CTNND2: variants seen among roughly 807,000 people sequenced by gnomAD.
CTNND2 encodes catenin delta-2.
A neutral mutation model predicts 144.4 loss-of-function variants in CTNND2; 22 were observed. The observed-to-expected ratio is 0.15, with a 90% CI of 0.11 to 0.22. The LOEUF is 0.22. Among genes scored for constraint, CTNND2 ranks in the 10% least tolerant of loss-of-function variants. The pLI is 1.00. For synonymous variants in CTNND2, 751 were observed against 695.6 expected, an observed-to-expected ratio of 1.08 and a Z score of -1.25; for missense variants, 1,353 against 1,618.8, an observed-to-expected ratio of 0.84 and a Z score of 2.82.
At position 11,453,618 on chromosome 5, in the gene CTNND2, C is replaced by A. The variant is rs61760264; in HGVS notation, c.288-41549G>T. Among the ~76,000 whole-genome samples, 383 of 152,290 alleles carry A rather than the reference C, an allele frequency of 2.5e-3. 12 individuals are homozygous for A. The East Asian group carries it at 0.063, about 25-fold the overall frequency. On this transcript the variant is annotated intron_variant, in intron 3 of 21. Transcript: ENST00000304623. ...TCAGAAGAGATTTCTATCTGAAAGTCTCCATTTTGGTTTGGGTATATTCAA... is the reference window on the plus strand; with the variant it reads ...TCAGAAGAGATTTCTATCTGAAAGTATCCATTTTGGTTTGGGTATATTCAA...
intron 2 of CTNND2, among the ~76,000 whole-genome samples, chr5:11,642,537 T>C (rs1308160336): frequency 2.6e-5 from 4 of 152,104 alleles, no homozygotes; most frequent in Non-Finnish European, 5.9e-5. Context: ...GGCAAACTGC[T>C]GTATTCAAGG....
At chr5:11,445,586 A>G (rs1223186809) in intron 3 of CTNND2, among the ~76,000 whole-genome samples, 1 of 152,142 alleles carries the variant, frequency 6.6e-6, no homozygotes, top group Non-Finnish European at 1.5e-5. Context: ...CTCCTCACCC[A>G]TGCCTGGGAT....
intron 1 of CTNND2, among the ~76,000 whole-genome samples, chr5:11,787,501 G>C (rs752327993): frequency 2.0e-5 from 3 of 152,090 alleles, no homozygotes; most frequent in Non-Finnish European, 4.4e-5. Context: ...TGACTAATCT[G>C]CCTGCAATTG....
chr5:11,240,943 CTG>C (rs1742355634), intron 9 of CTNND2, among the ~76,000 whole-genome samples: 1 of 149,070 alleles, frequency 6.7e-6, no homozygotes, highest in Non-Finnish European at 1.5e-5. Flanking sequence ...AACACACACA[CTG>C]AGCACACACA....
At chr5:11,536,715 G>A (rs1446117457) in intron 3 of CTNND2, among the ~76,000 whole-genome samples, 3 of 151,800 alleles carry the variant, frequency 2.0e-5, no homozygotes, top group Non-Finnish European at 2.9e-5. Flanking sequence ...TGGACTTTGG[G>A]GACTCAGAAG....
In CTNND2 at chr5:10,973,583, C is replaced by G. The variant is rs1371402409; in HGVS notation, c.3548G>C (p.Ser1183Thr). The G allele has an allele frequency of 1.2e-6, 2 of 1,614,162 alleles. No individual in the cohort carries two copies. Among genetic ancestry groups the G allele is most frequent in the Non-Finnish European group, 1.7e-6 (2 of 1,180,026 alleles). Reference protein sequence around the residue: ...EDQVHHRPPASEYTMHLGLKS... With the variant: ...EDQVHHRPPATEYTMHLGLKS... ...GAGACCCAGGTGCATGGTGTACTCG[C>G]TGGCGGGAGGGCGATGGTGGACCTG... Residue 1183 changes from serine (S) to threonine (T), a missense_variant, in exon 22 of 22, where the codon AGC becomes ACC. Around this residue, in one of 4 missense-constraint regions of CTNND2, gnomAD observed 459 missense variants for 674.3 expected, o/e 0.68. Transcript: ENST00000304623. The surrounding 1 kb of genome is among the most constrained non-coding windows in gnomAD (Gnocchi z 5.6).
chr5:11,833,998 A>T (rs2126968067), intron 1 of CTNND2, among the ~76,000 whole-genome samples: 1 of 152,330 alleles, frequency 6.6e-6, no homozygotes, highest in Admixed American at 6.5e-5. Flanking sequence ...TATGACTGAG[A>T]TCAAAAGGCC....
At chr5:11,578,661 A>C (rs1012845123) in intron 2 of CTNND2, among the ~76,000 whole-genome samples, 5 of 126,562 alleles carry the variant, frequency 4.0e-5, no homozygotes, top group Non-Finnish European at 6.7e-5. Context: ...ACTCCATCAC[A>C]AATACATGAA....
rs187157793 is a variant in CTNND2, at chr5:11,288,666, A to C, written c.1629-51843T>G. On this transcript the variant is annotated intron_variant, in intron 9 of 21. Coordinates refer to ENST00000304623, the MANE Select transcript of CTNND2 (RefSeq NM_001332.4). ...TGGATTCTCATTATGGAAATGCAGC[A>C]GTCTAGAAAGAAGGAAGAGACTGAG... Among the ~76,000 whole-genome samples the C allele has an allele frequency of 1.5e-4, 23 of 152,332 alleles. No homozygotes were observed. In the East Asian group the frequency reaches 4.2e-3, roughly 28 times the overall value.
intron 1 of CTNND2, among the ~76,000 whole-genome samples, chr5:11,887,662 G>A (rs1374653343): frequency 6.6e-6 from 1 of 152,082 alleles, no homozygotes; most frequent in Non-Finnish European, 1.5e-5. Flanking sequence ...ATTAACTAAA[G>A]TTCATACTTA....
At chr5:11,171,056 G>A (rs1367546028) in intron 11 of CTNND2, among the ~76,000 whole-genome samples, 1 of 152,150 alleles carries the variant, frequency 6.6e-6, no homozygotes, top group African/African-American at 2.4e-5. Flanking sequence ...TGGGGATTCT[G>A]GGAGCTACAA....
chr5:11,426,522 C>T (rs958050714), intron 3 of CTNND2, among the ~76,000 whole-genome samples: 3 of 152,198 alleles, frequency 2.0e-5, no homozygotes, highest in East Asian at 1.9e-4. Context: ...GAAGGAGATA[C>T]GCACAATCCA....
intron 9 of CTNND2, among the ~76,000 whole-genome samples, chr5:11,248,761 C>T (rs1580705403): frequency 6.6e-6 from 1 of 152,198 alleles, no homozygotes; most frequent in Non-Finnish European, 1.5e-5. Flanking sequence ...GAAGTGAGAA[C>T]GTGTCCTGAA....
At chr5:11,211,749 T>C (rs762315111) in intron 10 of CTNND2, among the ~76,000 whole-genome samples, 11 of 152,194 alleles carry the variant, frequency 7.2e-5, no homozygotes, top group Non-Finnish European at 1.5e-4. Flanking sequence ...GAAAATAACA[T>C]CTTTCTAAAA....
At chr5:11,585,568 C>G (rs1581562008) in intron 2 of CTNND2, among the ~76,000 whole-genome samples, 1 of 151,752 alleles carries the variant, frequency 6.6e-6, no homozygotes, top group Non-Finnish European at 1.5e-5. Flanking sequence ...CAGGCACAGC[C>G]TAAGTGCTAG....
chr5:11,753,183 T>C (rs1228185925), intron 1 of CTNND2, among the ~76,000 whole-genome samples: 3 of 151,820 alleles, frequency 2.0e-5, no homozygotes, highest in Non-Finnish European at 2.9e-5. Flanking sequence ...TCCTTCCTGA[T>C]TGCTCTGGCT....
chr5:11,859,993 A>G (rs2127022855), intron 1 of CTNND2, among the ~76,000 whole-genome samples: 1 of 152,320 alleles, frequency 6.6e-6, no homozygotes, highest in Non-Finnish European at 1.5e-5. Flanking sequence ...AATAAGGGAG[A>G]AAAAATAATA....
At chr5:11,146,575 TAAAG>T (rs1342442214) in intron 12 of CTNND2, among the ~76,000 whole-genome samples, 3 of 152,196 alleles carry the variant, frequency 2.0e-5, no homozygotes, top group African/African-American at 7.2e-5. Flanking sequence ...TTAGAGGTAT[TAAAG>T]AGTTATCTTG....
At chr5:11,396,478 G>C (rs963714967) in intron 6 of CTNND2, among the ~76,000 whole-genome samples, 3 of 152,156 alleles carry the variant, frequency 2.0e-5, no homozygotes, top group African/African-American at 7.2e-5. Flanking sequence ...TCAAGCACCT[G>C]CCTTAAAGAA....
Sources: gnomAD v4.1 joint callset for allele counts (sites outside exome capture counted in the v4.1 genomes callset) on GRCh38, gnomAD v4.1.1 for gene constraint, gnomAD v4.1.1 regional missense constraint, Gnocchi (gnomAD v3.1) non-coding constraint, MANE v1.5 for transcripts, NCBI Gene and HGNC (gene_info 2026-07-23, HGNC 2026-07-21) for gene names.